ZNF469: variants seen among roughly 807,000 people sequenced by gnomAD.
The protein encoded by ZNF469 is zinc finger protein 469.
Under a neutral mutation model 1.0 loss-of-function variants are expected in ZNF469, and 1 was observed. The ratio of observed to expected loss-of-function variants is 1.00; its 90% CI spans 0.35 to 4.73. ZNF469 has a LOEUF of 4.73. Among genes scored for constraint, ZNF469 ranks in the 30% most tolerant of loss-of-function variants. The pLI, the probability that ZNF469 is intolerant of heterozygous loss-of-function variation, is 0.16. For synonymous variants in ZNF469, 2,703 were observed against 2,363.4 expected (o/e 1.14, Z -4.17); for missense variants, 6,100 against 5,356.3 (o/e 1.14, Z -4.33).
chr16:88,383,953 T>G (rs1298987558), intron 1 of ZNF469, among the ~76,000 whole-genome samples: 1 of 151,886 alleles, frequency 6.6e-6, no homozygotes, highest in South Asian at 2.1e-4. Context: ...GGAAGGCCAA[T>G]GGGGCTCGGG....
At chr16:88,236,838 A>G in the ZNF469 span, among the ~76,000 whole-genome samples, 2 of 150,672 alleles carry the variant, frequency 1.3e-5, no homozygotes, top group Non-Finnish European at 3.0e-5. Context: ...CTGCAGACAC[A>G]GCGAGACTCT....
the ZNF469 span, among the ~76,000 whole-genome samples, chr16:88,358,649 T>A: frequency 6.6e-6 from 1 of 152,144 alleles, no homozygotes. Flanking sequence ...AGTCACCCCA[T>A]CCTGGGGTGC....
the ZNF469 span, among the ~76,000 whole-genome samples, chr16:88,272,291 ATGGG>A: frequency 6.7e-5 from 4 of 59,586 alleles, no homozygotes; most frequent in South Asian, 7.4e-4. Context: ...GGGTGGATGG[ATGGG>A]TGGGTGGGTG....
At chr16:88,133,124 C>T in the ZNF469 span, among the ~76,000 whole-genome samples, 1 of 152,254 alleles carries the variant, frequency 6.6e-6, no homozygotes, top group Non-Finnish European at 1.5e-5. Flanking sequence ...CTGCGATCAA[C>T]ATCACCCACC....
At chr16:88,122,602 T>C in the ZNF469 span, among the ~76,000 whole-genome samples, 1 of 152,106 alleles carries the variant, frequency 6.6e-6, no homozygotes, top group East Asian at 1.9e-4. Context: ...GGATAGTTGG[T>C]CAATAAAATA....
At chr16:88,306,129 C>T in the ZNF469 span, among the ~76,000 whole-genome samples, 1 of 152,224 alleles carries the variant, frequency 6.6e-6, no homozygotes, top group Non-Finnish European at 1.5e-5. Context: ...AGTCACAAGG[C>T]AGGGGCTTCC....
the ZNF469 span, among the ~76,000 whole-genome samples, chr16:88,170,762 T>C: frequency 6.6e-6 from 1 of 152,208 alleles, no homozygotes; most frequent in Non-Finnish European, 1.5e-5. This position sits in a 1 kb window ranked among gnomAD's most constrained non-coding sequence, Gnocchi z 4.2. Flanking sequence ...TGATTTCCTT[T>C]CCTTTGCATA....
the ZNF469 span, among the ~76,000 whole-genome samples, chr16:88,216,488 C>T: frequency 4.6e-4 from 41 of 88,756 alleles, no homozygotes; most frequent in South Asian, 4.7e-4. Context: ...AGTGAGACTC[C>T]GTCTCAAAAA....
chr16:88,169,679 C>T, the ZNF469 span, among the ~76,000 whole-genome samples: 29 of 152,200 alleles, frequency 1.9e-4, no homozygotes, highest in Non-Finnish European at 3.5e-4. The surrounding 1 kb of genome is among the most constrained non-coding windows in gnomAD (Gnocchi z 6.1). Context: ...GCGCCCAGGT[C>T]GGCCTTCGTG....
At chr16:88,163,547 TG>T in the ZNF469 span, among the ~76,000 whole-genome samples, 6 of 148,952 alleles carry the variant, frequency 4.0e-5, no homozygotes, top group Non-Finnish European at 7.4e-5. Flanking sequence ...GATTGGTAAG[TG>T]GGCAGATGAG....
chr16:88,344,846 T>C, the ZNF469 span, among the ~76,000 whole-genome samples: 6 of 152,310 alleles, frequency 3.9e-5, no homozygotes, highest in East Asian at 7.7e-4. Context: ...AACCACCACA[T>C]TGGCTCTGGG....
the ZNF469 span, among the ~76,000 whole-genome samples, chr16:88,227,102 G>A: frequency 8.5e-6 from 1 of 117,194 alleles, no homozygotes; most frequent in Non-Finnish European, 1.8e-5. Flanking sequence ...GGGCCTGCGC[G>A]TTTCCACCCG....
At chr16:88,262,506 A>C in the ZNF469 span, among the ~76,000 whole-genome samples, 1 of 152,264 alleles carries the variant, frequency 6.6e-6, no homozygotes, top group South Asian at 2.1e-4. The surrounding 1 kb of genome is among the most constrained non-coding windows in gnomAD (Gnocchi z 4.3). Context: ...CGGCTGGAGG[A>C]AGATGGGCCC....
At chr16:88,287,466 G>T in the ZNF469 span, among the ~76,000 whole-genome samples, 3 of 152,218 alleles carry the variant, frequency 2.0e-5, no homozygotes, top group Non-Finnish European at 2.9e-5. Flanking sequence ...TACCACTAGG[G>T]GGAGACAACA....
chr16:88,429,533 C>T lies in ZNF469; in HGVS notation c.2063C>T (p.Thr688Ile). 2 of 1,550,086 alleles carry T rather than the reference C, an allele frequency of 1.3e-6. No homozygotes were observed. Among genetic ancestry groups the T allele is most frequent in the Non-Finnish European group, 1.7e-6 (2 of 1,146,844 alleles). Reference sequence around the variant, plus strand: ...GGTGCCTTCCAGTGCCTGGAGGAGACCCCATTCCCCCACGAGGGCCCCGAG... The same window carrying T: ...GGTGCCTTCCAGTGCCTGGAGGAGATCCCATTCCCCCACGAGGGCCCCGAG... ...AEGAFQCLEE[T>I]PFPHEGPEVG... The change falls in exon 3 of 3, where the codon ACC (threonine) becomes ATC (isoleucine). Residue 688 changes from threonine to isoleucine, a missense_variant. Coordinates refer to ENST00000565624, the MANE Select transcript of ZNF469 (RefSeq NM_001367624.2).
At chr16:88,244,685 G>A in the ZNF469 span, among the ~76,000 whole-genome samples, 2 of 129,014 alleles carry the variant, frequency 1.6e-5, no homozygotes, top group Non-Finnish European at 3.2e-5. Context: ...GGGTAAATGG[G>A]TTTATGGATG....
At chr16:88,263,853 C>T in the ZNF469 span, among the ~76,000 whole-genome samples, 1 of 152,216 alleles carries the variant, frequency 6.6e-6, no homozygotes, top group Non-Finnish European at 1.5e-5. Flanking sequence ...ACTGATGCGC[C>T]GGGCAGAGGC....
the ZNF469 span, among the ~76,000 whole-genome samples, chr16:88,157,608 A>G: frequency 6.6e-6 from 1 of 151,716 alleles, no homozygotes; most frequent in Non-Finnish European, 1.5e-5. Flanking sequence ...ACCATGACAG[A>G]CCCTCTCAGG....
chr16:88,289,939 T>C, the ZNF469 span, among the ~76,000 whole-genome samples: 3 of 152,200 alleles, frequency 2.0e-5, no homozygotes, highest in Admixed American at 1.3e-4. Flanking sequence ...GCCTCTTATT[T>C]AGGCTGATGG....
Sources: gnomAD v4.1 joint callset for allele counts (sites outside exome capture counted in the v4.1 genomes callset) on GRCh38, gnomAD v4.1.1 for gene constraint, Gnocchi (gnomAD v3.1) non-coding constraint, MANE v1.5 for transcripts, NCBI Gene and HGNC (gene_info 2026-07-23, HGNC 2026-07-21) for gene names.